The following ABCB5 variants were observed in gnomAD, a reference collection of about 807,000 sequenced individuals.
ABCB5 encodes ATP-binding cassette sub-family B member 5.
ABCB5 carries 155 observed loss-of-function variants against 144.2 expected under a neutral mutation model. The ratio of observed to expected loss-of-function variants is 1.08; its 90% CI spans 0.94 to 1.23. ABCB5 has a LOEUF of 1.23. Among genes scored for constraint, ABCB5 ranks in the 50% most tolerant of loss-of-function variants. ABCB5 has a pLI of 0.00. For synonymous variants in ABCB5, 610 were observed against 528.6 expected, an observed-to-expected ratio of 1.15 and a Z score of -2.11; for missense variants, 1,830 against 1,520.8, an observed-to-expected ratio of 1.20 and a Z score of -3.38.
intron 14 of ABCB5, among the ~76,000 whole-genome samples, chr7:20,661,721 G>C (rs140347928): frequency 0.051 from 7,657 of 151,560 alleles, 547 homozygotes; most frequent in African/African-American, 0.15. Flanking sequence ...TTTTAGTAGA[G>C]ACAGGGTTTC....
chr7:20,702,678 C>G (rs1314220968), intron 19 of ABCB5, among the ~76,000 whole-genome samples: 2 of 85,716 alleles, frequency 2.3e-5, no homozygotes, highest in Non-Finnish European at 4.3e-5. Context: ...TTTTTTTTTC[C>G]TGAGACACAG....
At chr7:20,687,840 A>G (rs1025228942) in intron 16 of ABCB5, among the ~76,000 whole-genome samples, 7 of 152,196 alleles carry the variant, frequency 4.6e-5, no homozygotes, top group African/African-American at 1.7e-4. Context: ...AGCTATGATC[A>G]TGCCACTGTA....
chr7:20,648,038 A>C lies in ABCB5; in HGVS notation c.1166A>C (p.Lys389Thr). The C allele has an allele frequency of 6.2e-7, 1 of 1,611,322 alleles. No homozygotes were observed. The highest frequency in any genetic ancestry group is 1.3e-5 in the African/African-American group (1 of 74,988). Residue 389 changes from lysine (K) to threonine (T), a missense_variant, in exon 11 of 28, where the codon AAA becomes ACA. Transcript: ENST00000404938. ...PESIEGTVEF[K>T]NVSFNYPSRP... ...TCCATAGAAGGAACTGTGGAATTTA[A>C]AAATGTTTCTTTCAATTATCCATCA... is the stretch of plus-strand genomic sequence containing the variant.
At chr7:20,628,430 C>G (rs1048596184) in intron 3 of ABCB5, among the ~76,000 whole-genome samples, 1 of 152,084 alleles carries the variant, frequency 6.6e-6, no homozygotes, top group African/African-American at 2.4e-5. Flanking sequence ...TGGGTTGGTT[C>G]CAAGTCTGCT....
At chr7:20,720,613 T>C (rs185932336) in intron 20 of ABCB5, among the ~76,000 whole-genome samples, 90 of 152,078 alleles carry the variant, frequency 5.9e-4, no homozygotes, top group African/African-American at 2.1e-3. Flanking sequence ...GATATCTGGC[T>C]CGCGATCTTC....
chr7:20,623,061 G>T (rs1014112162), intron 1 of ABCB5, among the ~76,000 whole-genome samples: 2 of 152,086 alleles, frequency 1.3e-5, no homozygotes, highest in African/African-American at 4.8e-5. Flanking sequence ...AATGAAGCAA[G>T]GAAGTTATAA....
intron 26 of ABCB5, among the ~76,000 whole-genome samples, chr7:20,748,162 G>C (rs1187352922): frequency 6.6e-6 from 1 of 152,148 alleles, no homozygotes; most frequent in East Asian, 1.9e-4. Context: ...GTGGTCCTAG[G>C]GTTTCAGAGA....
intron 20 of ABCB5, among the ~76,000 whole-genome samples, chr7:20,712,015 G>A (rs1433174718): frequency 1.4e-5 from 2 of 143,698 alleles, no homozygotes; most frequent in African/African-American, 5.2e-5. Flanking sequence ...CGAGGCGGGT[G>A]GACCACGAGG....
At chr7:20,670,058 C>A (rs1562553378) in intron 14 of ABCB5, among the ~76,000 whole-genome samples, 1 of 152,136 alleles carries the variant, frequency 6.6e-6, no homozygotes, top group Non-Finnish European at 1.5e-5. Flanking sequence ...AAACATCTAA[C>A]CAGTGTTCTT....
Position 20,670,458 on chromosome 7 carries a change from T to A in ABCB5, c.1708-11047T>A, listed in dbSNP as rs537263570. ...GTCACCGATGAGCCCCAAATCCAAC[T>A]GAGGCAACCTTCTGGAAGGCAGTGA... On this transcript the variant is annotated intron_variant, in intron 14 of 27. Coordinates refer to ENST00000404938, the MANE Select transcript of ABCB5 (RefSeq NM_001163941.2). 3.4e-4 allele frequency among the ~76,000 whole-genome samples: 51 copies of A among 151,956 alleles called. 1 individual carries two copies. The South Asian group carries it at 0.01, about 31-fold the overall frequency.
chr7:20,739,341 C>T (rs988341873), intron 24 of ABCB5, among the ~76,000 whole-genome samples: 1 of 151,936 alleles, frequency 6.6e-6, no homozygotes, highest in African/African-American at 2.4e-5. Flanking sequence ...TGCGCATATA[C>T]TCCTGGATCT....
chr7:20,699,571 C>T (rs766038502), intron 17 of ABCB5, among the ~76,000 whole-genome samples: 2 of 151,954 alleles, frequency 1.3e-5, no homozygotes, highest in African/African-American at 2.4e-5. Context: ...TGTGGTGGTG[C>T]GCGCCTGTAA....
chr7:20,704,134 G>C (rs921495604), intron 19 of ABCB5, among the ~76,000 whole-genome samples: 1 of 127,204 alleles, frequency 7.9e-6, no homozygotes, highest in Non-Finnish European at 1.6e-5. Flanking sequence ...GGAGTGCAGT[G>C]GTGTAATCTC....
At chr7:20,669,018 G>A (rs1785351637) in intron 14 of ABCB5, among the ~76,000 whole-genome samples, 2 of 138,278 alleles carry the variant, frequency 1.4e-5, no homozygotes, top group Admixed American at 7.1e-5. Flanking sequence ...TATCCAGGAG[G>A]TGAGGGGCGC....
chr7:20,692,387 G>C (rs1358111371), intron 16 of ABCB5, among the ~76,000 whole-genome samples: 3 of 151,788 alleles, frequency 2.0e-5, no homozygotes, highest in Non-Finnish European at 2.9e-5. Context: ...GCTATTTACA[G>C]AAAAATGCCC....
At chr7:20,693,749 A>G (rs934160835) in intron 16 of ABCB5, among the ~76,000 whole-genome samples, 4 of 152,008 alleles carry the variant, frequency 2.6e-5, no homozygotes, top group African/African-American at 9.6e-5. Flanking sequence ...GGGAACATCA[A>G]TATTGAACTC....
chr7:20,724,543 C>G (rs1781974552), intron 21 of ABCB5, among the ~76,000 whole-genome samples: 2 of 149,448 alleles, frequency 1.3e-5, no homozygotes, highest in South Asian at 4.3e-4. Context: ...GCAGGAGAAT[C>G]ACTTGAACCC....
chr7:20,700,180 T>C, intron 19 of ABCB5, 45 bp downstream of exon 19: 2 of 1,445,866 alleles, frequency 1.4e-6, no homozygotes, highest in Non-Finnish European at 1.9e-6. Flanking sequence ...TAAAATTTAT[T>C]GTAAAACATT....
intron 17 of ABCB5, among the ~76,000 whole-genome samples, chr7:20,699,480 C>G (rs182070657): frequency 1.3e-5 from 2 of 152,144 alleles, no homozygotes; most frequent in South Asian, 2.1e-4. Context: ...GCAGCCGGAT[C>G]ACTTGAGGTC....
Sources: gnomAD v4.1 joint callset for allele counts (sites outside exome capture counted in the v4.1 genomes callset) on GRCh38, gnomAD v4.1.1 for gene constraint, MANE v1.5 for transcripts, NCBI Gene and HGNC (gene_info 2026-07-23, HGNC 2026-07-21) for gene names.